ABLIM1: variants seen among roughly 807,000 people sequenced by gnomAD.
The protein encoded by ABLIM1 is actin binding LIM protein 1, also known as actin-binding LIM protein 1.
Under a neutral mutation model 107.0 loss-of-function variants are expected in ABLIM1, and 40 were observed. The observed-to-expected ratio is 0.37, with a 90% CI of 0.29 to 0.49. The LOEUF (loss-of-function observed/expected upper bound fraction) is 0.49, where lower values mean the gene tolerates loss of function less well. Among genes scored for constraint, ABLIM1 ranks in the 20% least tolerant of loss-of-function variants. The pLI is 0.97. For synonymous variants in ABLIM1, 357 were observed against 357.3 expected, an observed-to-expected ratio of 1.00 and a Z score of 0.01; for missense variants, 857 against 1,008.5, an observed-to-expected ratio of 0.85 and a Z score of 2.04.
intron 1 of ABLIM1, among the ~76,000 whole-genome samples, chr10:114,650,430 A>T (rs1566177587): frequency 6.6e-6 from 1 of 152,254 alleles, no homozygotes. Flanking sequence ...TTTAAATAAG[A>T]TTAGTTTTTA....
At chr10:114,564,233 C>T (rs141118529) in intron 4 of ABLIM1, among the ~76,000 whole-genome samples, 4 of 151,680 alleles carry the variant, frequency 2.6e-5, no homozygotes, top group Admixed American at 2.6e-4. Flanking sequence ...AATAACAAAG[C>T]CTTTGTTCTG....
chr10:114,799,942 A>C, the ABLIM1 span, among the ~76,000 whole-genome samples: 1 of 152,064 alleles, frequency 6.6e-6, no homozygotes, highest in Non-Finnish European at 1.5e-5. Context: ...CACCAGACTA[A>C]TCTTCGTATT....
intron 4 of ABLIM1, among the ~76,000 whole-genome samples, chr10:114,568,642 A>C (rs1230860333): frequency 1.3e-5 from 2 of 152,192 alleles, no homozygotes; most frequent in East Asian, 1.9e-4. Context: ...ACCCACACAC[A>C]CCCCATAAAT....
chr10:114,454,742 T>C (rs1376765783), intron 12 of ABLIM1, among the ~76,000 whole-genome samples: 1 of 152,190 alleles, frequency 6.6e-6, no homozygotes. Flanking sequence ...TGGGCAAACA[T>C]CTTGTCTCAA....
chr10:114,652,002 G>C (rs1293076045), intron 1 of ABLIM1, among the ~76,000 whole-genome samples: 1 of 152,148 alleles, frequency 6.6e-6, no homozygotes, highest in African/African-American at 2.4e-5. Context: ...CAGGAGAGCG[G>C]GTCTGAGGGC....
intron 6 of ABLIM1, among the ~76,000 whole-genome samples, chr10:114,530,554 GAC>G (rs2065339579): frequency 1.3e-5 from 2 of 151,988 alleles, no homozygotes; most frequent in Non-Finnish European, 1.5e-5. Flanking sequence ...TTTATTTTGA[GAC>G]ACAGTCTCAC....
chr10:114,733,124 G>C (rs2082110310), intron 1 of ABLIM1, among the ~76,000 whole-genome samples: 1 of 152,200 alleles, frequency 6.6e-6, no homozygotes, highest in Non-Finnish European at 1.5e-5. Flanking sequence ...AAACTGCTTA[G>C]AAGGGTTTTC....
intron 15 of ABLIM1, 71 bp from the exon 16 acceptor site, chr10:114,445,474 T>C: frequency 7.5e-7 from 1 of 1,325,624 alleles, no homozygotes; most frequent in Non-Finnish European, 1.1e-6. Flanking sequence ...CTAGTCCATC[T>C]GTGTTCAGTT....
At chr10:114,686,518 A>C (rs2080941072), upstream of ABLIM1, among the ~76,000 whole-genome samples, 3 of 151,798 alleles carry the variant, frequency 2.0e-5, no homozygotes, top group Admixed American at 2.0e-4. Flanking sequence ...GTCTCAAAAA[A>C]AAAAACAAAA....
chr10:114,453,428 G>T lies in ABLIM1; in HGVS notation c.1497C>A (p.Arg499=). 6.2e-7 allele frequency: 1 copy of T among 1,613,886 alleles called. No individual in the cohort carries two copies. The highest frequency in any genetic ancestry group is 1.7e-4 in the Middle Eastern group (1 of 6,058). ...CCTGAGCGTAAGTTGGAGTTAGAGG[G>T]CGGCTGTCTGGCCGGTAAGGGAGAG... ...NSPLPYRPDS[R]PLTPTYAQAP... is the part of the protein sequence containing the mutation. The change falls in exon 13 of 23, where the codon CGC becomes CGA. Residue 499 remains arginine (R), a synonymous_variant. Coordinates refer to ENST00000533213, the MANE Select transcript of ABLIM1 (RefSeq NM_002313.7).
chr10:114,556,360 G>A (rs559529915), intron 4 of ABLIM1, among the ~76,000 whole-genome samples: 25 of 152,312 alleles, frequency 1.6e-4, no homozygotes, highest in South Asian at 8.3e-4. Flanking sequence ...ATTCCACCAC[G>A]GGAATCACTG....
intron 1 of ABLIM1, among the ~76,000 whole-genome samples, chr10:114,766,409 G>A (rs1215676068): frequency 6.6e-6 from 1 of 152,134 alleles, no homozygotes; most frequent in African/African-American, 2.4e-5. Flanking sequence ...TTGAAACTGG[G>A]TTGAAGAAGA....
chr10:114,662,618 T>G (rs957442426), upstream of ABLIM1, among the ~76,000 whole-genome samples: 1 of 152,204 alleles, frequency 6.6e-6, no homozygotes, highest in Non-Finnish European at 1.5e-5. Flanking sequence ...CTGAAAGGCC[T>G]GCTTCCTCCA....
At chr10:114,740,448 T>A (rs113720797) in intron 1 of ABLIM1, among the ~76,000 whole-genome samples, 3,305 of 152,062 alleles carry the variant, frequency 0.022, 35 homozygotes, top group Middle Eastern at 0.092. Flanking sequence ...CTTCCACCAC[T>A]TCCCTCGGAA....
intron 6 of ABLIM1, 79 bp from the exon 7 acceptor site, chr10:114,491,957 G>T: frequency 8.6e-7 from 1 of 1,159,200 alleles, no homozygotes; most frequent in Non-Finnish European, 1.2e-6. Context: ...TGATGATTTA[G>T]AAGAAAAGAG....
At chr10:114,514,552 T>A (rs1023406241) in intron 6 of ABLIM1, among the ~76,000 whole-genome samples, 5 of 151,854 alleles carry the variant, frequency 3.3e-5, no homozygotes, top group Admixed American at 1.3e-4. Context: ...TTTAAAAAAA[T>A]TTTTTTTGTA....
intron 2 of ABLIM1, among the ~76,000 whole-genome samples, chr10:114,597,294 G>A (rs2075513440): frequency 6.6e-6 from 1 of 152,206 alleles, no homozygotes; most frequent in South Asian, 2.1e-4. Context: ...GATCTGATTA[G>A]GATGGAGAGA....
rs374503196 is a variant in ABLIM1 at position 114,709,927 on chromosome 10, A to G, written c.-213+58134T>C. The stretch of plus-strand genomic sequence containing the variant: ...TTTTCTAAACAGGGTTCTCAAACTT[A>G]CATAAGCCTCAGGGTCCATAAAACC... On this transcript the variant is annotated intron_variant, in intron 1 of 15. Coordinates refer to the ABLIM1 transcript ENST00000651092. 2.2e-4 allele frequency among the ~76,000 whole-genome samples: 33 copies of G among 152,346 alleles called. No homozygotes were observed. The East Asian group carries it at 4.2e-3, about 20-fold the overall frequency.
intron 12 of ABLIM1, among the ~76,000 whole-genome samples, chr10:114,456,341 T>C (rs764890521): frequency 2.8e-4 from 42 of 152,152 alleles, no homozygotes; most frequent in Non-Finnish European, 5.3e-4. Flanking sequence ...CTTTGACAAC[T>C]CCAATATAAA....
Sources: allele counts gnomAD v4.1 joint callset (sites outside exome capture counted in the v4.1 genomes callset), GRCh38; gene constraint gnomAD v4.1.1; transcripts MANE v1.5; gene names NCBI Gene and HGNC (gene_info 2026-07-23, HGNC 2026-07-21).